IFT56: variants seen among roughly 807,000 people sequenced by gnomAD.
The protein encoded by IFT56 is intraflagellar transport protein 56.
At chr7:139,140,341 T>C in the IFT56 span, among the ~76,000 whole-genome samples, 3 of 152,200 alleles carry the variant, frequency 2.0e-5, no homozygotes, top group South Asian at 2.1e-4. Context: ...GTGGACTTTA[T>C]CGCTGCTTTT....
At chr7:139,176,176 A>T in the IFT56 span, among the ~76,000 whole-genome samples, 66 of 152,234 alleles carry the variant, frequency 4.3e-4, 1 homozygote, top group Admixed American at 2.4e-3. Context: ...ATAATTTATT[A>T]TATATTTCAA....
At chr7:139,146,592 C>G in the IFT56 span, among the ~76,000 whole-genome samples, 4 of 151,864 alleles carry the variant, frequency 2.6e-5, no homozygotes, top group East Asian at 5.8e-4. Flanking sequence ...ATGGTGAAAC[C>G]CCATCTCTAC....
chr7:139,137,582 C>T, the IFT56 span, among the ~76,000 whole-genome samples: 2 of 152,124 alleles, frequency 1.3e-5, no homozygotes, highest in African/African-American at 2.4e-5. Context: ...TATATATCAC[C>T]CAGAATTGTT....
the IFT56 span, among the ~76,000 whole-genome samples, chr7:139,157,480 T>A: frequency 6.7e-6 from 1 of 149,954 alleles, no homozygotes; most frequent in Admixed American, 6.7e-5. Flanking sequence ...GGTTTTGTGC[T>A]TTTTTTTGTA....
At chr7:139,134,547 C>A in the IFT56 span, 1 of 1,266,736 alleles carries the variant, frequency 7.9e-7, no homozygotes, top group Non-Finnish European at 1.1e-6. Flanking sequence ...GGATTACAGG[C>A]ATGAGCCACT....
chr7:139,160,861 T>C, the IFT56 span: 1 of 962,598 alleles, frequency 1.0e-6, no homozygotes, highest in Non-Finnish European at 1.6e-6. Flanking sequence ...TGTTAAATTC[T>C]TTGTAAATTA....
the IFT56 span, among the ~76,000 whole-genome samples, chr7:139,161,597 T>C: frequency 7.9e-4 from 120 of 152,344 alleles, 1 homozygote; most frequent in Non-Finnish European, 6.5e-4. Context: ...CATCTAATAC[T>C]ACTGAGATTC....
At chr7:139,134,838 G>A in the IFT56 span, 2 of 1,585,720 alleles carry the variant, frequency 1.3e-6, no homozygotes, top group Non-Finnish European at 1.7e-6. Flanking sequence ...ATACCAGACT[G>A]TAGATGAATG....
the IFT56 span, among the ~76,000 whole-genome samples, chr7:139,158,290 G>C: frequency 7.4e-6 from 1 of 135,774 alleles, no homozygotes; most frequent in African/African-American, 3.1e-5. Flanking sequence ...CTCCAGCCTG[G>C]GCGACAGAGC....
At chr7:139,172,539 T>G in the IFT56 span, 1 of 507,906 alleles carries the variant, frequency 2.0e-6, no homozygotes, top group Non-Finnish European at 3.9e-6. Context: ...AGATTCTTGC[T>G]GCTGTAATGC....
At chr7:139,156,370 G>A in the IFT56 span, among the ~76,000 whole-genome samples, 12 of 145,448 alleles carry the variant, frequency 8.3e-5, no homozygotes, top group Admixed American at 8.2e-4. Flanking sequence ...TCCTCTGTTT[G>A]CTTTATGTTT....
At chr7:139,168,721 T>C in the IFT56 span, 1 of 333,272 alleles carries the variant, frequency 3.0e-6, no homozygotes, top group African/African-American at 2.0e-5. Flanking sequence ...TAAACTTACA[T>C]ATATCTAGCT....
the IFT56 span, among the ~76,000 whole-genome samples, chr7:139,155,756 T>C: frequency 6.6e-6 from 1 of 152,148 alleles, no homozygotes; most frequent in Non-Finnish European, 1.5e-5. Context: ...TAATTTTTTT[T>C]TGGTTTTGGT....
At chr7:139,169,466 G>C in the IFT56 span, 1 of 904,854 alleles carries the variant, frequency 1.1e-6, no homozygotes, top group South Asian at 1.6e-5. Flanking sequence ...ACATTATAAA[G>C]TGGGAGGTCA....
At chr7:139,159,119 A>G in the IFT56 span, among the ~76,000 whole-genome samples, 8 of 152,208 alleles carry the variant, frequency 5.3e-5, no homozygotes, top group East Asian at 1.9e-4. Context: ...AAGGAAAATG[A>G]ATGAATTGAA....
the IFT56 span, chr7:139,166,960 A>G: frequency 9.2e-7 from 1 of 1,083,634 alleles, no homozygotes; most frequent in Non-Finnish European, 1.4e-6. Context: ...TCAGAAATTT[A>G]GTTGGAAGTC....
At chr7:139,187,300 C>T in the IFT56 span, 7 of 1,322,866 alleles carry the variant, frequency 5.3e-6, no homozygotes, top group East Asian at 2.4e-5. Flanking sequence ...TTGTCAGCAC[C>T]CATGCACTTA....
chr7:139,159,296 T>A, the IFT56 span, among the ~76,000 whole-genome samples: 1 of 152,228 alleles, frequency 6.6e-6, no homozygotes, highest in African/African-American at 2.4e-5. Flanking sequence ...GTTTTCTATT[T>A]CTTCTTGTGT....
chr7:139,169,389 A>G, the IFT56 span: 2 of 1,575,246 alleles, frequency 1.3e-6, no homozygotes, highest in Non-Finnish European at 1.7e-6. Context: ...CTGCTTCATA[A>G]TTGGAGTGGG....
Sources: gnomAD v4.1 joint callset for allele counts (sites outside exome capture counted in the v4.1 genomes callset) on GRCh38, gnomAD v4.1.1 for gene constraint, MANE v1.5 for transcripts, NCBI Gene and HGNC (gene_info 2026-07-23, HGNC 2026-07-21) for gene names.